RGS6: variants seen among roughly 807,000 people sequenced by gnomAD.
The protein encoded by RGS6 is regulator of G-protein signaling 6.
RGS6 carries 30 observed loss-of-function variants against 78.5 expected under a neutral mutation model. The ratio of observed to expected loss-of-function variants is 0.38; its 90% CI spans 0.29 to 0.52. The LOEUF is 0.52. RGS6 is among the 20% of genes least tolerant of loss of function. The pLI, the probability that RGS6 is intolerant of heterozygous loss-of-function variation, is 0.85. For missense variants in RGS6, 495 were observed against 609.7 expected, an observed-to-expected ratio of 0.81 and a Z score of 1.98; for synonymous variants, 206 against 206.0, an observed-to-expected ratio of 1.00 and a Z score of 0.00.
At chr14:71,964,660 TATC>T (rs1445794712) in intron 1 of RGS6, 109 bp from the exon 2 acceptor site, 35 of 664,472 alleles carry the variant, frequency 5.3e-5, no homozygotes, top group Non-Finnish European at 8.5e-5. Context: ...TATCATGTAA[TATC>T]ATGTTTTTGT....
chr14:72,184,907 T>C (rs2097219338), intron 2 of RGS6, among the ~76,000 whole-genome samples: 1 of 151,974 alleles, frequency 6.6e-6, no homozygotes, highest in Non-Finnish European at 1.5e-5. Flanking sequence ...TATTAAGGAG[T>C]ATTGACTCAC....
chr14:72,433,131 G>A (rs2094727893), intron 3 of RGS6, among the ~76,000 whole-genome samples: 1 of 152,188 alleles, frequency 6.6e-6, no homozygotes, highest in African/African-American at 2.4e-5. Flanking sequence ...ATGATTGGTG[G>A]TTTCATGTGA....
At chr14:72,067,690 AAAAT>A (rs1451415176) in intron 2 of RGS6, among the ~76,000 whole-genome samples, 2 of 150,014 alleles carry the variant, frequency 1.3e-5, no homozygotes, top group East Asian at 3.8e-4. Flanking sequence ...TTAAAAAAAT[AAAAT>A]AAAATAAAGT....
intron 3 of RGS6, among the ~76,000 whole-genome samples, chr14:72,391,288 G>T (rs1344712931): frequency 6.6e-6 from 1 of 152,116 alleles, no homozygotes; most frequent in Non-Finnish European, 1.5e-5. Context: ...TATTGTGATT[G>T]CTTCAATAGT....
chr14:72,228,156 A>G (rs983072510), intron 2 of RGS6, among the ~76,000 whole-genome samples: 1 of 152,210 alleles, frequency 6.6e-6, no homozygotes, highest in African/African-American at 2.4e-5. Context: ...AGGTGGGTAG[A>G]TAACTTGAGG....
chr14:71,878,229 T>C, the RGS6 span, among the ~76,000 whole-genome samples: 1 of 152,220 alleles, frequency 6.6e-6, no homozygotes, highest in Non-Finnish European at 1.5e-5. Context: ...GACGTTTAAG[T>C]CTGCAGAAGT....
At chr14:72,560,260 G>A (rs551242151) in intron 17 of RGS6, among the ~76,000 whole-genome samples, 283 of 152,310 alleles carry the variant, frequency 1.9e-3, no homozygotes, top group Middle Eastern at 0.014. Flanking sequence ...GTGTGTGGTG[G>A]TTATCACAGC....
At chr14:72,523,018 G>A (rs1006875558) in intron 15 of RGS6, among the ~76,000 whole-genome samples, 28 of 152,236 alleles carry the variant, frequency 1.8e-4, no homozygotes, top group African/African-American at 6.8e-4. Flanking sequence ...GAGGTCAGCA[G>A]GTGCCAAGAG....
At chr14:71,950,120 T>C (rs981784437) in intron 1 of RGS6, among the ~76,000 whole-genome samples, 2 of 152,118 alleles carry the variant, frequency 1.3e-5, no homozygotes, top group East Asian at 3.8e-4. Flanking sequence ...TTTGTTCTTA[T>C]TTAAGAATAA....
the RGS6 span, among the ~76,000 whole-genome samples, chr14:72,620,328 G>A: frequency 1.4e-3 from 210 of 152,244 alleles, no homozygotes; most frequent in African/African-American, 4.7e-3. Flanking sequence ...GCTTCCAAAG[G>A]GCAGAAAATG....
chr14:72,053,438 GTGT>G (rs1163809896), intron 2 of RGS6, among the ~76,000 whole-genome samples: 1 of 152,020 alleles, frequency 6.6e-6, no homozygotes, highest in Non-Finnish European at 1.5e-5. Flanking sequence ...TTTCTTTGAA[GTGT>G]TGTTCAGGGG....
chr14:72,543,103 C>G (rs1379593548), intron 17 of RGS6, among the ~76,000 whole-genome samples: 2 of 152,170 alleles, frequency 1.3e-5, no homozygotes, highest in African/African-American at 4.8e-5. Context: ...AGACTGAAAC[C>G]ACAAACCCTG....
the RGS6 span, among the ~76,000 whole-genome samples, chr14:71,877,223 C>G: frequency 6.6e-6 from 1 of 152,170 alleles, no homozygotes; most frequent in South Asian, 2.1e-4. Context: ...TGTTGGCCTG[C>G]CTTGCTAGGT....
At chr14:72,453,603 G>A (rs1180176954) in intron 3 of RGS6, among the ~76,000 whole-genome samples, 3 of 109,176 alleles carry the variant, frequency 2.7e-5, no homozygotes, top group East Asian at 6.0e-4. Flanking sequence ...GCGACAGAGC[G>A]AGACTCCGTC....
the RGS6 span, among the ~76,000 whole-genome samples, chr14:72,592,533 TA>T: frequency 6.6e-6 from 1 of 152,240 alleles, no homozygotes; most frequent in Non-Finnish European, 1.5e-5. Flanking sequence ...AGGAAAGAGC[TA>T]AAAACTTATT....
the RGS6 span, among the ~76,000 whole-genome samples, chr14:72,601,437 G>A: frequency 1.3e-5 from 2 of 152,028 alleles, no homozygotes; most frequent in Non-Finnish European, 2.9e-5. Context: ...TCCCACTCAA[G>A]GTGCTCCAGG....
At chr14:72,293,326 G>A (rs1441165185) in intron 2 of RGS6, among the ~76,000 whole-genome samples, 1 of 152,202 alleles carries the variant, frequency 6.6e-6, no homozygotes, top group Non-Finnish European at 1.5e-5. Context: ...AGACAGCACA[G>A]AAAAATAGTA....
chr14:72,125,087 G>C (rs973361086), intron 2 of RGS6, among the ~76,000 whole-genome samples: 6 of 152,148 alleles, frequency 3.9e-5, no homozygotes, highest in African/African-American at 9.7e-5. Context: ...GCTTGTAATA[G>C]AATTAGAAGG....
At chr14:72,129,610 G>T (rs2096273358) in intron 2 of RGS6, among the ~76,000 whole-genome samples, 1 of 152,158 alleles carries the variant, frequency 6.6e-6, no homozygotes, top group South Asian at 2.1e-4. Context: ...GGTTTCCGGT[G>T]GCTCCGCTTG....
Sources: allele counts gnomAD v4.1 joint callset (sites outside exome capture counted in the v4.1 genomes callset), GRCh38; gene constraint gnomAD v4.1.1; transcripts MANE v1.5; gene names NCBI Gene and HGNC (gene_info 2026-07-23, HGNC 2026-07-21).